Variants in HECW1 observed in about 807,000 individuals in gnomAD.
HECW1 encodes the protein E3 ubiquitin-protein ligase HECW1.
Under a neutral mutation model 182.3 loss-of-function variants are expected in HECW1, and 61 were observed. The observed-to-expected ratio is 0.33, with a 90% CI of 0.27 to 0.41. HECW1 has a LOEUF of 0.41. Among genes scored for constraint, HECW1 ranks in the 10% least tolerant of loss-of-function variants. The probability of loss-of-function intolerance (pLI) is 1.00; values close to 1 mark genes in which losing one functional copy is unlikely to be tolerated. For missense variants in HECW1, 1,739 were observed against 2,108.9 expected, an observed-to-expected ratio of 0.82 and a Z score of 3.44; for synonymous variants, 859 against 832.6, an observed-to-expected ratio of 1.03 and a Z score of -0.55.
At chr7:43,329,968 T>C (rs1350746551) in intron 5 of HECW1, among the ~76,000 whole-genome samples, 1 of 152,184 alleles carries the variant, frequency 6.6e-6, no homozygotes, top group Non-Finnish European at 1.5e-5. Context: ...AATGTGAAGA[T>C]GACTGATACA....
At chr7:43,149,868 A>G (rs1789111413) in intron 2 of HECW1, among the ~76,000 whole-genome samples, 1 of 152,170 alleles carries the variant, frequency 6.6e-6, no homozygotes, top group Non-Finnish European at 1.5e-5. Flanking sequence ...TTAATTTTCT[A>G]CTATTTTTAC....
intron 2 of HECW1, among the ~76,000 whole-genome samples, chr7:43,153,131 A>G (rs1407052971): frequency 6.6e-6 from 1 of 151,566 alleles, no homozygotes; most frequent in East Asian, 1.9e-4. Context: ...TTTCCTGTTG[A>G]CTTCCTTTTT....
intron 11 of HECW1, among the ~76,000 whole-genome samples, 199 bp downstream of exon 11, chr7:43,445,769 A>G (rs2077036558): frequency 6.6e-6 from 1 of 152,194 alleles, no homozygotes; most frequent in South Asian, 2.1e-4. Context: ...ACACCCCACA[A>G]TGTCTCAGAT....
chr7:43,220,490 A>C (rs907472945), intron 2 of HECW1, among the ~76,000 whole-genome samples: 2 of 152,210 alleles, frequency 1.3e-5, no homozygotes, highest in African/African-American at 4.8e-5. Context: ...TCAGAGACAC[A>C]ACACTCTAAT....
At chr7:43,126,067 CTTTTT>C (rs71008891) in intron 2 of HECW1, among the ~76,000 whole-genome samples, 3 of 103,984 alleles carry the variant, frequency 2.9e-5, no homozygotes, top group Admixed American at 2.4e-4. Flanking sequence ...TTTGTTCTCA[CTTTTT>C]TTTTTTTTTT....
At chr7:43,315,045 G>A (rs376919947) in intron 4 of HECW1, among the ~76,000 whole-genome samples, 1 of 152,166 alleles carries the variant, frequency 6.6e-6, no homozygotes, top group Admixed American at 6.5e-5. Flanking sequence ...GCCATCAAAT[G>A]TCCAGCAGAG....
chr7:43,394,477 G>A (rs2075157884), intron 6 of HECW1, among the ~76,000 whole-genome samples: 1 of 152,210 alleles, frequency 6.6e-6, no homozygotes, highest in Non-Finnish European at 1.5e-5. Flanking sequence ...TTATTTGGGT[G>A]ATGTTAACTG....
At chr7:43,469,915 A>G (rs753261277) in intron 16 of HECW1, among the ~76,000 whole-genome samples, 1 of 152,172 alleles carries the variant, frequency 6.6e-6, no homozygotes, top group Non-Finnish European at 1.5e-5. Context: ...ACGTTCCCCA[A>G]AGGGAGCTGA....
intron 2 of HECW1, among the ~76,000 whole-genome samples, chr7:43,190,627 C>A (rs1793824055): frequency 6.6e-6 from 1 of 152,190 alleles, no homozygotes; most frequent in African/African-American, 2.4e-5. Flanking sequence ...TCTTTCTATG[C>A]TCTCTCCAAG....
chr7:43,555,827 G>T (rs1273630952), intron 29 of HECW1, among the ~76,000 whole-genome samples: 1 of 152,198 alleles, frequency 6.6e-6, no homozygotes, highest in East Asian at 1.9e-4. Context: ...TGTTTGCATG[G>T]CTCTACCAAT....
chr7:43,538,859 G>A (rs907066438), intron 24 of HECW1, among the ~76,000 whole-genome samples: 1 of 152,148 alleles, frequency 6.6e-6, no homozygotes, highest in Non-Finnish European at 1.5e-5. Context: ...ACAGAATATT[G>A]TGAAGAGTGG....
chr7:43,490,995 C>T (rs548257828), intron 17 of HECW1, among the ~76,000 whole-genome samples: 1 of 152,174 alleles, frequency 6.6e-6, no homozygotes, highest in Non-Finnish European at 1.5e-5. Context: ...TCAAGTGATC[C>T]ACCTGCCTCA....
intron 6 of HECW1, among the ~76,000 whole-genome samples, chr7:43,374,773 C>CAAAAAAAA (rs66910107): frequency 1.4e-4 from 2 of 14,500 alleles, no homozygotes; most frequent in Non-Finnish European, 1.8e-4. Context: ...GACTCCGTCT[C>CAAAAAAAA]AAAAAAAAAA....
At chr7:43,487,984 A>AGAGAC (rs1563044164) in intron 17 of HECW1, among the ~76,000 whole-genome samples, 2 of 126,752 alleles carry the variant, frequency 1.6e-5, no homozygotes, top group Non-Finnish European at 3.7e-5. Context: ...GAGAGAGAGA[A>AGAGAC]AGAAAAAAGA....
At chr7:43,496,689 C>T (rs1174766779) in intron 19 of HECW1, among the ~76,000 whole-genome samples, 5 of 152,156 alleles carry the variant, frequency 3.3e-5, no homozygotes, top group Non-Finnish European at 5.9e-5. Flanking sequence ...CTCAGGGAGT[C>T]ATGGAGTCTC....
At chr7:43,344,906 A>G (rs11772689) in intron 5 of HECW1, among the ~76,000 whole-genome samples, 17,328 of 152,164 alleles carry the variant, frequency 0.11, 1,222 homozygotes, top group Middle Eastern at 0.29. Flanking sequence ...TAGTAGTTTC[A>G]ATCTTGTCTT....
intron 5 of HECW1, among the ~76,000 whole-genome samples, chr7:43,348,464 GCTTTTGTTTTCATTTAT>G (rs1222742522): frequency 6.6e-6 from 1 of 151,898 alleles, no homozygotes; most frequent in Non-Finnish European, 1.5e-5. Flanking sequence ...CAAAGAACCA[GCTTTTGTTTTCATTTAT>G]CTTTTGTAAT....
In HECW1 at chr7:43,565,451, C is replaced by T. The variant is rs1284443980; in HGVS notation, c.*3525C>T. 1 of 195,388 alleles carries T rather than the reference C, an allele frequency of 5.1e-6. No homozygotes were observed. The highest frequency in any genetic ancestry group is 1.1e-5 in the Non-Finnish European group (1 of 94,104). The allele number at this position is 195,388 out of a possible 1,614,324, so 12.1% of individuals were successfully genotyped here. On this transcript the variant is annotated 3_prime_UTR_variant, in exon 30 of 30. Transcript: ENST00000395891. ...TCAGTCCATGTGTCAAACCATGTGT[C>T]CAAAATTTGGGTTCGGAAATTTCTC...
intron 2 of HECW1, chr7:43,121,684 C>A (rs1052505950): frequency 2.0e-5 from 3 of 152,054 alleles, no homozygotes; most frequent in Non-Finnish European, 2.9e-5. Context: ...CTAACTTAAA[C>A]CTTACCTCCT....
Sources: gnomAD v4.1 joint callset for allele counts (sites outside exome capture counted in the v4.1 genomes callset) on GRCh38, gnomAD v4.1.1 for gene constraint, MANE v1.5 for transcripts, NCBI Gene and HGNC (gene_info 2026-07-23, HGNC 2026-07-21) for gene names.